The following TBC1D9B variants were observed in gnomAD, a reference collection of about 807,000 sequenced individuals.
TBC1D9B encodes the protein TBC1 domain family member 9B.
TBC1D9B carries 87 observed loss-of-function variants against 121.1 expected under a neutral mutation model. The ratio of observed to expected loss-of-function variants is 0.72; its 90% CI spans 0.60 to 0.86. The LOEUF is 0.86. Among genes scored for constraint, TBC1D9B ranks in the 40% least tolerant of loss-of-function variants. The probability of loss-of-function intolerance (pLI) is 0.00; values close to 1 mark genes in which losing one functional copy is unlikely to be tolerated. For missense variants in TBC1D9B, 1,540 were observed against 1,628.6 expected (o/e 0.95, Z 0.94); for synonymous variants, 668 against 670.1 (o/e 1.00, Z 0.05).
chr5:179,872,848 G>GCCCCCC, intron 14 of TBC1D9B, 44 bp downstream of exon 14: 32 of 1,457,192 alleles, frequency 2.2e-5, no homozygotes, highest in South Asian at 4.6e-5. Context: ...AGGCACTGCT[G>GCCCCCC]CCCCCCCAGC....
intron 7 of TBC1D9B, 85 bp downstream of exon 7, chr5:179,888,018 G>A: frequency 6.5e-7 from 1 of 1,532,222 alleles, no homozygotes; most frequent in Non-Finnish European, 9.0e-7. Context: ...GGAACCATGG[G>A]GTCAGGCTCC....
chr5:179,891,366 A>G lies in TBC1D9B; in HGVS notation c.1044+13T>C, dbSNP rs553544251. 1 of 1,614,066 alleles carries G rather than the reference A, an allele frequency of 6.2e-7. No homozygotes were observed. The highest frequency in any genetic ancestry group is 1.7e-5 in the Admixed American group (1 of 60,032). ...CTGGAAAGGCCTTGGCCTCTCAACT[A>G]GGGGATGCTGACCTCCCTCAGGGGT... On this transcript the variant is annotated intron_variant, in intron 6 of 20. Transcript: ENST00000355235. The surrounding 1 kb of genome is among the most constrained non-coding windows in gnomAD (Gnocchi z 4.3).
intron 10 of TBC1D9B, 39 bp from the exon 11 acceptor site, chr5:179,876,076 C>T: frequency 6.4e-7 from 1 of 1,569,532 alleles, no homozygotes; most frequent in Non-Finnish European, 8.7e-7. Flanking sequence ...GCTTGCACTG[C>T]TGGCCAGCAA....
rs1233495394 is a variant in TBC1D9B, at chr5:179,863,617, T to G, written c.3533A>C (p.Asp1178Ala). Residue 1178 changes from aspartate to alanine, a missense_variant, in exon 21 of 21, where the codon GAC becomes GCC. Transcript: ENST00000355235. This position sits in a 1 kb window ranked among gnomAD's most constrained non-coding sequence, Gnocchi z 4.5. ...GATCTGCTCAAAGGAGATGCACCAG[T>G]CGGTGTCGACGGTGCCGCCGATGCG... ...TARIGGTVDT[D>A]WCISFEQILA... is the part of the protein sequence containing the mutation. The G allele has an allele frequency of 1.2e-6, 2 of 1,613,772 alleles. No homozygotes were observed. The highest frequency in any genetic ancestry group is 3.3e-5 in the Admixed American group (2 of 60,000).
intron 3 of TBC1D9B, among the ~76,000 whole-genome samples, chr5:179,896,363 A>T (rs532845837): frequency 6.6e-6 from 1 of 152,360 alleles, no homozygotes; most frequent in East Asian, 1.9e-4. Context: ...GTGCTACCGC[A>T]GCTGCGATCT....
chr5:179,865,878 T>C lies in TBC1D9B; in HGVS notation c.2874A>G (p.Pro958=). ...TEDSSSEEAL[P]QEEQEGSGSE... ...TTCCACTTCCTTCTTGCTCTTCCTG[T>C]GGTAGTGCTTCTGGACAAACGCAAA... The change falls in exon 19 of 21, where the codon CCA becomes CCG. Residue 958 remains proline, a synonymous_variant. Coordinates refer to ENST00000355235, the MANE Select transcript of TBC1D9B (RefSeq NM_015043.4). This position sits in a 1 kb window ranked among gnomAD's most constrained non-coding sequence, Gnocchi z 5.1. 6.2e-7 allele frequency: 1 copy of C among 1,613,536 alleles called. No homozygotes were observed. The highest frequency in any genetic ancestry group is 1.1e-5 in the South Asian group (1 of 91,012).
At position 179,891,408 on chromosome 5, in the gene TBC1D9B, C is replaced by T. The variant is rs777170652; in HGVS notation, c.1015G>A (p.Ala339Thr). 7.4e-6 allele frequency: 12 copies of T among 1,614,130 alleles called. No homozygotes were observed. Among genetic ancestry groups the T allele is most frequent in the East Asian group, 4.5e-5 (2 of 44,894 alleles). ...CTCAGGGGTATGATGAGGTGGCAAG[C>T]GTCCTCCTCCTTGCTGGCGAAGCAG... is the stretch of plus-strand genomic sequence containing the variant. ...YICFASKEED[A>T]CHLIIPLREV... The change falls in exon 6 of 21, where the codon GCT (alanine) becomes ACT (threonine). Residue 339 changes from alanine (A) to threonine (T), a missense_variant. Coordinates refer to ENST00000355235, the MANE Select transcript of TBC1D9B (RefSeq NM_015043.4). This position sits in a 1 kb window ranked among gnomAD's most constrained non-coding sequence, Gnocchi z 4.3.
chr5:179,862,975 A>G lies in TBC1D9B; in HGVS notation c.*473T>C, dbSNP rs529519329. On this transcript the variant is annotated 3_prime_UTR_variant, in exon 21 of 21. Coordinates refer to ENST00000355235, the MANE Select transcript of TBC1D9B (RefSeq NM_015043.4). ...GGTTCAGGCTCCCGGAGAGCACCTGAGGGTTCCATCACTTTGGTGCCCAAC... is the reference window on the plus strand; with the variant it reads ...GGTTCAGGCTCCCGGAGAGCACCTGGGGGTTCCATCACTTTGGTGCCCAAC... The G allele has an allele frequency of 1.8e-4, 45 of 255,636 alleles. No individual in the cohort carries two copies. The highest frequency in any genetic ancestry group is 3.3e-4 in the Non-Finnish European group (41 of 125,488). 15.8% of individuals were successfully genotyped at this position (255,636 alleles called of 1,614,324 possible). A position where few individuals can be genotyped will look rare whatever the true frequency, so the allele number is the denominator to read the frequency against.
At chr5:179,887,728 C>A in intron 7 of TBC1D9B, 1 of 276,318 alleles carries the variant, frequency 3.6e-6, no homozygotes, top group South Asian at 4.3e-5. Context: ...TGCAGTTCTA[C>A]CGTCAAGAAC....
chr5:179,878,913 T>A (rs1760444686), intron 9 of TBC1D9B, 134 bp downstream of exon 9: 1 of 1,270,150 alleles, frequency 7.9e-7, no homozygotes. Context: ...AGAGCCCGGC[T>A]CCCGGCTGTG....
chr5:179,863,770 G>C lies in TBC1D9B; in HGVS notation c.3380C>G (p.Ser1127Cys). 1 of 1,613,682 alleles carries C rather than the reference G, an allele frequency of 6.2e-7. No individual in the cohort carries two copies. The highest frequency in any genetic ancestry group is 8.5e-7 in the Non-Finnish European group (1 of 1,180,000). ...EGQGSPSQLL[S>C]DDETKDDMSM... ...CATGTCGTCTTTGGTTTCATCGTCA[G>C]ACAGCAGCTGGGAGGGTGAGCCCTG... The change falls in exon 21 of 21, where the codon TCT becomes TGT. Residue 1127 changes from serine (S) to cysteine (C), a missense_variant. Transcript: ENST00000355235. The surrounding 1 kb of genome is among the most constrained non-coding windows in gnomAD (Gnocchi z 4.5).
chr5:179,894,500 T>A lies in TBC1D9B; in HGVS notation c.463A>T (p.Lys155Ter), dbSNP rs1760965071. 6.2e-7 allele frequency: 1 copy of A among 1,614,046 alleles called. No individual in the cohort carries two copies. Among genetic ancestry groups the A allele is most frequent in the Non-Finnish European group, 8.5e-7 (1 of 1,180,014 alleles). The part of the protein sequence containing the change: ...RKQFGMPEGE[K>*]LVNYYSCSYW... Reference sequence around the variant, plus strand: ...CTGCAGGAGTAGTAATTCACCAGCTTCTCGCCCTCAGGCATCCCAAACTGC... The same window carrying A: ...CTGCAGGAGTAGTAATTCACCAGCTACTCGCCCTCAGGCATCCCAAACTGC... The change falls in exon 4 of 21, where the codon AAG becomes TAG. Residue 155 changes from lysine (K) to a stop codon, truncating the protein, a stop_gained. Coordinates refer to ENST00000355235, the MANE Select transcript of TBC1D9B (RefSeq NM_015043.4). LOFTEE classifies it high-confidence loss of function.
At position 179,879,694 on chromosome 5, in the gene TBC1D9B, G is replaced by T; in HGVS notation, c.1350C>A (p.Thr450=). 6.2e-7 allele frequency: 1 copy of T among 1,614,196 alleles called. No individual in the cohort carries two copies. The part of the protein sequence containing the change: ...RQSFCAQEAP[T]ASQGLLKLFQ... Reference sequence around the variant, plus strand: ...AGAGCTTCAGCAGGCCCTGGGATGCGGTTGGCGCCTCCTGCGCACAGAAGC... The same window carrying T: ...AGAGCTTCAGCAGGCCCTGGGATGCTGTTGGCGCCTCCTGCGCACAGAAGC... The change falls in exon 8 of 21, where the codon ACC becomes ACA. Residue 450 remains threonine (T), a synonymous_variant. Transcript: ENST00000355235.
chr5:179,872,852 C>CCCCAG, intron 14 of TBC1D9B, 40 bp downstream of exon 14: 1 of 1,512,986 alleles, frequency 6.6e-7, no homozygotes, highest in Non-Finnish European at 9.1e-7. Context: ...ACTGCTGCCC[C>CCCCAG]CCCAGCCCAG....
In TBC1D9B at chr5:179,894,414, G is replaced by A. The variant is rs1760961725; in HGVS notation, c.549C>T (p.Cys183=). ...CCTTCCCCAGCAGGAAGGAGTAGAA[G>A]CACAGGTGGTTGACCGTCAGGTACA... ...GWLYLTVNHL[C]FYSFLLGKEV... is the part of the protein sequence containing the mutation. The change falls in exon 4 of 21, where the codon TGC becomes TGT. Residue 183 remains cysteine (C), a synonymous_variant. Coordinates refer to ENST00000355235, the MANE Select transcript of TBC1D9B (RefSeq NM_015043.4). The A allele has an allele frequency of 6.2e-7, 1 of 1,613,710 alleles. No homozygotes were observed. The highest frequency in any genetic ancestry group is 8.5e-7 in the Non-Finnish European group (1 of 1,179,868).
chr5:179,894,373 G>T lies in TBC1D9B; in HGVS notation c.577+13C>A. 6.2e-7 allele frequency: 1 copy of T among 1,603,632 alleles called. No individual in the cohort carries two copies. The highest frequency in any genetic ancestry group is 8.5e-7 in the Non-Finnish European group (1 of 1,175,480). Reference sequence around the variant, plus strand: ...GGGTGTGGGGGCTGGGGCACACTGAGGGGCGGGCTCACCTTCCTTCCCCAG... The same window carrying T: ...GGGTGTGGGGGCTGGGGCACACTGATGGGCGGGCTCACCTTCCTTCCCCAG... On this transcript the variant is annotated intron_variant, in intron 4 of 20. Transcript: ENST00000355235.
chr5:179,893,894 C>G (rs897967809), intron 4 of TBC1D9B, among the ~76,000 whole-genome samples: 1 of 152,130 alleles, frequency 6.6e-6, no homozygotes, highest in Non-Finnish European at 1.5e-5. Flanking sequence ...GGAGGGGGCA[C>G]AGGGAGGCTG....
chr5:179,869,740 T>C (rs1485766986), intron 17 of TBC1D9B, 29 bp downstream of exon 17: 2 of 1,610,988 alleles, frequency 1.2e-6, no homozygotes, highest in South Asian at 2.2e-5. Context: ...TGGGAGACCC[T>C]GGCTGGGGAG....
At chr5:179,879,448 A>G in intron 8 of TBC1D9B, 180 bp downstream of exon 8, 1 of 1,078,002 alleles carries the variant, frequency 9.3e-7, no homozygotes, top group South Asian at 1.5e-5. Flanking sequence ...TGAGCAGGTC[A>G]GCGGAGCCCC....
Sources: allele counts gnomAD v4.1 joint callset (sites outside exome capture counted in the v4.1 genomes callset), GRCh38; gene constraint gnomAD v4.1.1; non-coding constraint Gnocchi (gnomAD v3.1); transcripts MANE v1.5; gene names NCBI Gene and HGNC (gene_info 2026-07-23, HGNC 2026-07-21).